CACNA1D: variants seen among roughly 807,000 people sequenced by gnomAD.
CACNA1D encodes the protein voltage-dependent L-type calcium channel subunit alpha-1D.
Under a neutral mutation model 257.1 loss-of-function variants are expected in CACNA1D, and 55 were observed. That is an observed-to-expected ratio of 0.21 (90% CI 0.17 to 0.27). The LOEUF (loss-of-function observed/expected upper bound fraction) is 0.27. CACNA1D is among the 10% of genes least tolerant of loss of function. The pLI, the probability that CACNA1D is intolerant of heterozygous loss-of-function variation, is 1.00. For synonymous variants in CACNA1D, 980 were observed against 1,014.9 expected (o/e 0.97, Z 0.65); for missense variants, 1,876 against 2,784.0 (o/e 0.67, Z 7.34).
At chr3:53,693,407 C>T (rs1040626299) in intron 8 of CACNA1D, among the ~76,000 whole-genome samples, 1 of 151,916 alleles carries the variant, frequency 6.6e-6, no homozygotes, top group Non-Finnish European at 1.5e-5. Flanking sequence ...ATGAGCTGAG[C>T]CAGTGCCAAT....
At chr3:53,627,336 T>C (rs2093770577) in intron 3 of CACNA1D, among the ~76,000 whole-genome samples, 1 of 152,174 alleles carries the variant, frequency 6.6e-6, no homozygotes, top group African/African-American at 2.4e-5. Flanking sequence ...AGGAAGCTCA[T>C]GGGTCTCTGC....
At chr3:53,756,572 C>G (rs901380900) in intron 29 of CACNA1D, among the ~76,000 whole-genome samples, 8 of 152,236 alleles carry the variant, frequency 5.3e-5, no homozygotes, top group African/African-American at 1.9e-4. Context: ...GGGTGTTGAC[C>G]TGGTGCAGCC....
intron 3 of CACNA1D, among the ~76,000 whole-genome samples, chr3:53,596,239 TC>T (rs1392524554): frequency 9.2e-5 from 14 of 151,744 alleles, no homozygotes; most frequent in Admixed American, 9.2e-4. Context: ...GTGACCTTCA[TC>T]CCCCCTCCCC....
intron 8 of CACNA1D, among the ~76,000 whole-genome samples, chr3:53,698,395 A>G (rs2094591565): frequency 6.6e-6 from 1 of 152,214 alleles, no homozygotes; most frequent in Non-Finnish European, 1.5e-5. Context: ...AGAGTTCAGC[A>G]TTTGTTTGTA....
Position 53,800,428 on chromosome 3 carries a change from T to C in CACNA1D, c.5040+63T>C. 8.9e-7 allele frequency: 1 copy of C among 1,121,328 alleles called. No individual in the cohort carries two copies. Among genetic ancestry groups the C allele is most frequent in the Non-Finnish European group, 1.4e-6 (1 of 729,982 alleles). 69.5% of individuals were successfully genotyped at this position (1,121,328 alleles called of 1,614,324 possible). A position where few individuals can be genotyped will look rare whatever the true frequency, so the allele number is the denominator to read the frequency against. Reference sequence around the variant, plus strand: ...GAAATAGCAGGGCAGGACTCCAGTTTGGGCAGTTAATCATCCACAGAAGAG... The same window carrying C: ...GAAATAGCAGGGCAGGACTCCAGTTCGGGCAGTTAATCATCCACAGAAGAG... On this transcript the variant is annotated intron_variant, in intron 41 of 47. Coordinates refer to ENST00000350061, the MANE Select transcript of CACNA1D (RefSeq NM_001128840.3). The surrounding 1 kb of genome is among the most constrained non-coding windows in gnomAD (Gnocchi z 4.3).
At chr3:53,552,379 T>G (rs1363417252) in intron 3 of CACNA1D, among the ~76,000 whole-genome samples, 2 of 150,128 alleles carry the variant, frequency 1.3e-5, no homozygotes, top group Non-Finnish European at 3.0e-5. Flanking sequence ...CCAATTCCCT[T>G]TCTTTCTTTT....
chr3:53,683,240 G>T (rs1353418232), intron 8 of CACNA1D, among the ~76,000 whole-genome samples: 1 of 152,176 alleles, frequency 6.6e-6, no homozygotes, highest in African/African-American at 2.4e-5. Flanking sequence ...GCTGTAAGTG[G>T]TTGGAAATCT....
chr3:53,502,299 G>T (rs901359851), intron 3 of CACNA1D, among the ~76,000 whole-genome samples: 1 of 152,072 alleles, frequency 6.6e-6, no homozygotes, highest in Non-Finnish European at 1.5e-5. Context: ...GAAAATGATT[G>T]TATGGTTAAA....
chr3:53,688,179 G>A (rs927372744), intron 8 of CACNA1D, among the ~76,000 whole-genome samples: 1 of 152,224 alleles, frequency 6.6e-6, no homozygotes, highest in Non-Finnish European at 1.5e-5. Context: ...GCTGTTGGAA[G>A]CTTCAGTCTC....
At chr3:53,614,359 G>A (rs200399377) in intron 3 of CACNA1D, among the ~76,000 whole-genome samples, 2 of 152,094 alleles carry the variant, frequency 1.3e-5, no homozygotes, top group South Asian at 2.1e-4. Context: ...CCAGAAATCC[G>A]CCCTCTAGGG....
At chr3:53,792,975 G>C (rs2095491175) in intron 40 of CACNA1D, among the ~76,000 whole-genome samples, 1 of 152,262 alleles carries the variant, frequency 6.6e-6, no homozygotes, top group South Asian at 2.1e-4. Flanking sequence ...CAGGGCCCAA[G>C]GGCAGGTTTG....
rs1399572672 is a variant in CACNA1D at position 53,774,939 on chromosome 3, A to G, written c.4202+261A>G. Among the ~76,000 whole-genome samples the G allele has an allele frequency of 6.6e-6, 1 of 152,220 alleles. No individual in the cohort carries two copies. Among genetic ancestry groups the G allele is most frequent in the African/African-American group, 2.4e-5 (1 of 41,454 alleles). ...TATTCATTTGGGAGTTAGTAGGGCT[A>G]CTTAGGCCACCTGAAAAATTGTAGG... On this transcript the variant is annotated intron_variant, in intron 34 of 47. Transcript: ENST00000350061. The surrounding 1 kb of genome is among the most constrained non-coding windows in gnomAD (Gnocchi z 4.3).
At chr3:53,579,803 C>A (rs979028811) in intron 3 of CACNA1D, among the ~76,000 whole-genome samples, 1 of 152,174 alleles carries the variant, frequency 6.6e-6, no homozygotes, top group Admixed American at 6.5e-5. Flanking sequence ...TGTTTCCTGT[C>A]TGGCACAGAC....
Position 53,609,423 on chromosome 3 carries a change from A to C in CACNA1D, c.484-41356A>C, listed in dbSNP as rs932635067. 1.8e-4 allele frequency among the ~76,000 whole-genome samples: 27 copies of C among 151,896 alleles called. No individual in the cohort carries two copies. In the East Asian group the frequency reaches 3.9e-3, roughly 22 times the overall value. ...AGACTCTACCTCAAAAAAAAAAAAA[A>C]AAAAAAAAAACTTCAAGTTATTAAA... On this transcript the variant is annotated intron_variant, in intron 3 of 47. Transcript: ENST00000350061.
intron 32 of CACNA1D, among the ~76,000 whole-genome samples, chr3:53,770,844 G>T (rs567508518): frequency 6.6e-6 from 1 of 152,186 alleles, no homozygotes; most frequent in Admixed American, 6.5e-5. Flanking sequence ...CAGTGCCCCC[G>T]GGATGCCTGG....
intron 3 of CACNA1D, among the ~76,000 whole-genome samples, chr3:53,514,950 G>C (rs1057323891): frequency 3.9e-5 from 6 of 152,172 alleles, no homozygotes; most frequent in African/African-American, 1.4e-4. Context: ...CAGCGGATCT[G>C]GTGAAGAAAT....
intron 8 of CACNA1D, among the ~76,000 whole-genome samples, chr3:53,689,442 C>A (rs1431076130): frequency 6.6e-6 from 1 of 151,712 alleles, no homozygotes; most frequent in Non-Finnish European, 1.5e-5. Context: ...CTGCCACCTC[C>A]CAGAGTGCAG....
chr3:53,614,299 T>C (rs1215596660), intron 3 of CACNA1D, among the ~76,000 whole-genome samples: 1 of 152,168 alleles, frequency 6.6e-6, no homozygotes, highest in Non-Finnish European at 1.5e-5. Context: ...GGGAAGTCTC[T>C]CTGGTCCTGT....
rs1461261149 is a variant in CACNA1D at position 53,801,221 on chromosome 3, C to T, written c.5204C>T (p.Ser1735Leu). The part of the protein sequence containing the change: ...EKPLFPPAGN[S>L]VCHNHHNHNS... The stretch of plus-strand genomic sequence containing the variant: ...CCGCTGTTTCCTCCAGCAGGAAATT[C>T]GGTGTGTCATAACCATCATAACCAT... The change falls in exon 42 of 48, where the codon TCG (serine) becomes TTG (leucine). Residue 1735 changes from serine to leucine, a missense_variant. Ser to Leu is a moderately radical substitution (Grantham distance 145). This residue lies in a region of CACNA1D where 160 missense variants were observed against 236.6 expected (regional missense o/e 0.68). Coordinates refer to ENST00000350061, the MANE Select transcript of CACNA1D (RefSeq NM_001128840.3). 8.1e-6 allele frequency: 13 copies of T among 1,613,906 alleles called. No individual in the cohort carries two copies. The highest frequency in any genetic ancestry group is 2.2e-5 in the East Asian group (1 of 44,890).
Sources: gnomAD v4.1 joint callset for allele counts (sites outside exome capture counted in the v4.1 genomes callset) on GRCh38, gnomAD v4.1.1 for gene constraint, gnomAD v4.1.1 regional missense constraint, Gnocchi (gnomAD v3.1) non-coding constraint, MANE v1.5 for transcripts, NCBI Gene and HGNC (gene_info 2026-07-23, HGNC 2026-07-21) for gene names.